Variants in THEMIS observed in about 807,000 individuals in gnomAD.
The protein encoded by THEMIS is protein THEMIS.
THEMIS carries 37 observed loss-of-function variants against 52.6 expected under a neutral mutation model. The ratio of observed to expected loss-of-function variants is 0.70; its 90% CI spans 0.54 to 0.93. The LOEUF is 0.93. Ranked by LOEUF, THEMIS falls within the 40% of genes least tolerant of loss-of-function variation. THEMIS has a pLI of 0.00. For missense variants in THEMIS, 808 were observed against 763.1 expected (o/e 1.06, Z -0.69); for synonymous variants, 292 against 272.7 (o/e 1.07, Z -0.70).
intron 4 of THEMIS, among the ~76,000 whole-genome samples, chr6:127,810,336 A>G (rs1022213133): frequency 1.3e-5 from 2 of 152,116 alleles, no homozygotes; most frequent in African/African-American, 4.8e-5. Flanking sequence ...CCCAACTGCT[A>G]TGGTTTAAAT....
At position 127,882,516 on chromosome 6, in the gene THEMIS, A is replaced by C. The variant is rs149801656; in HGVS notation, c.91+18326T>G. 2.6e-5 allele frequency among the ~76,000 whole-genome samples: 4 copies of C among 152,054 alleles called. No homozygotes were observed. In the East Asian group the frequency reaches 7.7e-4, roughly 29 times the overall value. On this transcript the variant is annotated intron_variant, in intron 1 of 5. Transcript: ENST00000368248. ...TGAGTTTAGGTTGTCCTGCCTATCTACATGTAAACATGTAAAAAAATTCTA... is the reference window on the plus strand; with the variant it reads ...TGAGTTTAGGTTGTCCTGCCTATCTCCATGTAAACATGTAAAAAAATTCTA...
intron 5 of THEMIS, among the ~76,000 whole-genome samples, chr6:127,716,779 T>C (rs181490053): frequency 6.6e-6 from 1 of 152,064 alleles, no homozygotes; most frequent in Admixed American, 6.6e-5. Flanking sequence ...TGAATAAACA[T>C]TGAAGCCCTG....
intron 4 of THEMIS, among the ~76,000 whole-genome samples, chr6:127,737,572 T>C (rs1467033348): frequency 6.6e-6 from 1 of 152,236 alleles, no homozygotes; most frequent in Non-Finnish European, 1.5e-5. Flanking sequence ...CAAAGAGCTA[T>C]GTAAATACAT....
chr6:127,866,275 A>G (rs1256194646), intron 1 of THEMIS, among the ~76,000 whole-genome samples: 1 of 152,072 alleles, frequency 6.6e-6, no homozygotes, highest in Non-Finnish European at 1.5e-5. Flanking sequence ...ATTCATTTAT[A>G]AAGTGCACTA....
chr6:127,859,963 T>C (rs1188200067), intron 1 of THEMIS, among the ~76,000 whole-genome samples: 1 of 152,102 alleles, frequency 6.6e-6, no homozygotes, highest in Non-Finnish European at 1.5e-5. Context: ...AGAAGGAGCA[T>C]CCCTCTAAAG....
rs549314301 is a variant in THEMIS at position 127,868,965 on chromosome 6, T to G, written c.92-13777A>C. Among the ~76,000 whole-genome samples, 3 of 152,310 alleles carry G rather than the reference T, an allele frequency of 2.0e-5. No homozygotes were observed. In the East Asian group the frequency reaches 5.8e-4, roughly 29 times the overall value. On this transcript the variant is annotated intron_variant, in intron 1 of 5. Coordinates refer to ENST00000368248, the MANE Select transcript of THEMIS (RefSeq NM_001010923.3). ...TGAGCAAATGATGTTTTCTGAACCTTTATGAAATTTTAATGTGTTAGAAGA... is the reference window on the plus strand; with the variant it reads ...TGAGCAAATGATGTTTTCTGAACCTGTATGAAATTTTAATGTGTTAGAAGA...
intron 1 of THEMIS, among the ~76,000 whole-genome samples, chr6:127,912,346 T>C (rs1252662948): frequency 6.6e-6 from 1 of 152,170 alleles, no homozygotes; most frequent in Non-Finnish European, 1.5e-5. Flanking sequence ...ACTTGCCTTG[T>C]TTCAGATGAG....
intron 2 of THEMIS, among the ~76,000 whole-genome samples, chr6:127,852,410 AC>A (rs1779459836): frequency 6.6e-6 from 1 of 151,566 alleles, no homozygotes; most frequent in African/African-American, 2.4e-5. Context: ...CACTTACCCA[AC>A]AAAAATAGAA....
intron 1 of THEMIS, among the ~76,000 whole-genome samples, chr6:127,911,173 A>G (rs1419057910): frequency 4.6e-5 from 7 of 151,306 alleles, no homozygotes; most frequent in Non-Finnish European, 8.8e-5. Flanking sequence ...GTGTTTGCCA[A>G]GTTTCTCCAC....
At chr6:127,892,350 C>T (rs1780837837) in intron 1 of THEMIS, among the ~76,000 whole-genome samples, 1 of 152,158 alleles carries the variant, frequency 6.6e-6, no homozygotes, top group South Asian at 2.1e-4. Flanking sequence ...CAAATTTCAT[C>T]AGAGATAATC....
intron 2 of THEMIS, among the ~76,000 whole-genome samples, chr6:127,845,076 T>C (rs1779170850): frequency 6.6e-6 from 1 of 151,402 alleles, no homozygotes; most frequent in African/African-American, 2.4e-5. Flanking sequence ...GGCTCCAGTA[T>C]ATCCCCTGAA....
intron 2 of THEMIS, among the ~76,000 whole-genome samples, chr6:127,831,341 A>G (rs1244116924): frequency 6.6e-6 from 1 of 152,144 alleles, no homozygotes; most frequent in Non-Finnish European, 1.5e-5. Flanking sequence ...CATTTACTGA[A>G]TAGATTTTAA....
At chr6:127,914,319 TAAG>T (rs2114537700) in intron 1 of THEMIS, among the ~76,000 whole-genome samples, 1 of 152,134 alleles carries the variant, frequency 6.6e-6, no homozygotes, top group East Asian at 1.9e-4. Context: ...GTGAAGATAC[TAAG>T]AAAAACATAG....
intron 4 of THEMIS, among the ~76,000 whole-genome samples, chr6:127,781,702 TG>T (rs1776749949): frequency 1.3e-5 from 2 of 152,170 alleles, no homozygotes; most frequent in South Asian, 4.1e-4. Flanking sequence ...AGACCCTGTT[TG>T]CCTGGGTATC....
the THEMIS span, among the ~76,000 whole-genome samples, chr6:127,702,301 G>A: frequency 6.6e-6 from 1 of 152,036 alleles, no homozygotes; most frequent in African/African-American, 2.4e-5. Flanking sequence ...ATTTCACCAT[G>A]AGTTGTAAGG....
rs571645678 is a variant in THEMIS at position 127,876,404 on chromosome 6, T to C, written c.92-21216A>G. Among the ~76,000 whole-genome samples, 19 of 152,350 alleles carry C rather than the reference T, an allele frequency of 1.2e-4. 2 individuals are homozygous for C. The highest frequency in any genetic ancestry group is 1.2e-3 in the Admixed American group (19 of 15,304). The stretch of plus-strand genomic sequence containing the variant: ...GGGAAGGAAGCAAAGAGTTCAGTTC[T>C]TGATATATTGTTTCTTACATCAAAT... On this transcript the variant is annotated intron_variant, in intron 1 of 5. Coordinates refer to ENST00000368248, the MANE Select transcript of THEMIS (RefSeq NM_001010923.3).
At chr6:127,806,273 C>T (rs969929960) in intron 4 of THEMIS, among the ~76,000 whole-genome samples, 4 of 152,040 alleles carry the variant, frequency 2.6e-5, no homozygotes, top group Admixed American at 6.5e-5. Flanking sequence ...AAGCTTTTTG[C>T]TAATCTATTG....
intron 4 of THEMIS, among the ~76,000 whole-genome samples, chr6:127,753,133 CTCAT>C (rs1446970058): frequency 1.3e-5 from 2 of 151,880 alleles, no homozygotes; most frequent in African/African-American, 4.8e-5. Flanking sequence ...ATTTAAAAAA[CTCAT>C]TAATTAGGTG....
chr6:127,854,944 ATT>A lies in THEMIS; in HGVS notation c.250+84_250+85del, dbSNP rs149808791. ...ATTATCCTAGAGTGAAAAACAGACC[ATT>A]TTTTTCTTGTTTTTGGTTGTGTATA... On this transcript the variant is annotated intron_variant, in intron 2 of 5. Coordinates refer to ENST00000368248, the MANE Select transcript of THEMIS (RefSeq NM_001010923.3). 16 of 1,223,630 alleles carry A rather than the reference ATT, an allele frequency of 1.3e-5. No homozygotes were observed. In the African/African-American group the frequency reaches 2.5e-4, roughly 19 times the overall value. The allele number at this position is 1,223,630 out of a possible 1,614,324, so 75.8% of individuals were successfully genotyped here.
Sources: gnomAD v4.1 joint callset for allele counts (sites outside exome capture counted in the v4.1 genomes callset) on GRCh38, gnomAD v4.1.1 for gene constraint, MANE v1.5 for transcripts, NCBI Gene and HGNC (gene_info 2026-07-23, HGNC 2026-07-21) for gene names.